Variants in EXOC6 observed in about 807,000 individuals in gnomAD.
EXOC6 encodes exocyst complex component 6, also known as SEC15-like 1.
Under a neutral mutation model 112.5 loss-of-function variants are expected in EXOC6, and 60 were observed. The ratio of observed to expected loss-of-function variants is 0.53; its 90% CI spans 0.43 to 0.66. The LOEUF is 0.66. EXOC6 is among the 30% of genes least tolerant of loss of function. EXOC6 has a pLI of 0.00. For missense variants in EXOC6, 855 were observed against 957.1 expected, an observed-to-expected ratio of 0.89 and a Z score of 1.41; for synonymous variants, 295 against 308.0, an observed-to-expected ratio of 0.96 and a Z score of 0.44.
At chr10:92,914,154 G>C (rs1373875164) in intron 6 of EXOC6, among the ~76,000 whole-genome samples, 1 of 152,202 alleles carries the variant, frequency 6.6e-6, no homozygotes, top group Admixed American at 6.5e-5. Flanking sequence ...CCTCCTGTCA[G>C]ATCAGCGGCA....
chr10:92,917,880 C>A lies in EXOC6; in HGVS notation c.819+1967C>A, dbSNP rs545519698. ...AAGTTTTTTCTACAGGGCTTGATGC[C>A]GTGGCTCATGCCTGTGATGCTAGCA... On this transcript the variant is annotated intron_variant, in intron 7 of 21. Transcript: ENST00000260762. 4.6e-5 allele frequency among the ~76,000 whole-genome samples: 7 copies of A among 152,220 alleles called. No individual in the cohort carries two copies. In the South Asian group the frequency reaches 1.0e-3, roughly 23 times the overall value.
chr10:92,958,897 C>T (rs1853834595), intron 17 of EXOC6, among the ~76,000 whole-genome samples: 1 of 152,046 alleles, frequency 6.6e-6, no homozygotes, highest in Admixed American at 6.6e-5. Flanking sequence ...AGATCAAGAC[C>T]ATCCTGGCCA....
At chr10:92,952,431 A>G (rs1478838019) in intron 15 of EXOC6, 49 bp downstream of exon 15, 2 of 1,120,294 alleles carry the variant, frequency 1.8e-6, no homozygotes, top group Non-Finnish European at 2.7e-6. Flanking sequence ...TTTATGAAAC[A>G]TTAATACTTT....
chr10:92,854,470 G>A (rs1004146825), intron 1 of EXOC6, among the ~76,000 whole-genome samples: 8 of 151,964 alleles, frequency 5.3e-5, no homozygotes, highest in African/African-American at 9.7e-5. Flanking sequence ...ACCATGTATT[G>A]GTAAGGATGT....
chr10:93,044,255 C>T (rs1423400351), intron 20 of EXOC6, among the ~76,000 whole-genome samples: 8 of 152,106 alleles, frequency 5.3e-5, no homozygotes, highest in Admixed American at 4.6e-4. Flanking sequence ...ATTACATATA[C>T]AATCAGGTCT....
At chr10:93,038,066 A>AT (rs1325322703) in intron 20 of EXOC6, among the ~76,000 whole-genome samples, 3 of 102,704 alleles carry the variant, frequency 2.9e-5, no homozygotes, top group South Asian at 2.7e-4. Flanking sequence ...AAAAAAAAAA[A>AT]TTTTTCTCTA....
chr10:93,036,814 TATG>T (rs1845536635), intron 20 of EXOC6, among the ~76,000 whole-genome samples: 1 of 152,204 alleles, frequency 6.6e-6, no homozygotes, highest in Admixed American at 6.5e-5. Flanking sequence ...ATTATTGTAA[TATG>T]ATACATTTTA....
intron 20 of EXOC6, among the ~76,000 whole-genome samples, chr10:93,046,350 A>G (rs1481094137): frequency 6.6e-6 from 1 of 152,216 alleles, no homozygotes; most frequent in Non-Finnish European, 1.5e-5. Flanking sequence ...TGGTGGATAC[A>G]CAAACTAACC....
intron 1 of EXOC6, among the ~76,000 whole-genome samples, chr10:92,885,480 A>G (rs1159105283): frequency 2.6e-5 from 4 of 151,876 alleles, no homozygotes; most frequent in African/African-American, 7.3e-5. Flanking sequence ...TCCGGGTTCA[A>G]GTGATTCTCC....
intron 1 of EXOC6, among the ~76,000 whole-genome samples, chr10:92,835,190 G>C (rs1348585840): frequency 6.6e-6 from 1 of 152,140 alleles, no homozygotes; most frequent in Non-Finnish European, 1.5e-5. Flanking sequence ...TTACATTTGG[G>C]TGGATATGAG....
chr10:93,040,959 C>T (rs768934866), intron 20 of EXOC6, among the ~76,000 whole-genome samples: 15 of 152,208 alleles, frequency 9.9e-5, no homozygotes, highest in African/African-American at 1.7e-4. Context: ...TGAGCTGACC[C>T]GCTTTCATCA....
intron 7 of EXOC6, among the ~76,000 whole-genome samples, chr10:92,919,175 G>A (rs894302616): frequency 6.6e-6 from 1 of 152,136 alleles, no homozygotes; most frequent in African/African-American, 2.4e-5. Flanking sequence ...CCTGCTGGGA[G>A]CATCACCATC....
intron 5 of EXOC6, among the ~76,000 whole-genome samples, chr10:92,903,190 A>G (rs1850266084): frequency 6.6e-6 from 1 of 152,096 alleles, no homozygotes; most frequent in Non-Finnish European, 1.5e-5. Context: ...TTTTAGTAGT[A>G]CCATTTACGC....
chr10:92,912,212 C>A (rs1208956356), intron 6 of EXOC6, among the ~76,000 whole-genome samples: 6 of 151,758 alleles, frequency 4.0e-5, no homozygotes, highest in African/African-American at 1.5e-4. Flanking sequence ...TACCCCAAAC[C>A]CAGCATTTCT....
intron 20 of EXOC6, among the ~76,000 whole-genome samples, chr10:93,032,932 T>C (rs1845335829): frequency 6.6e-6 from 1 of 152,140 alleles, no homozygotes. Context: ...GGAAATAGCA[T>C]TCCTGGCAGA....
intron 18 of EXOC6, among the ~76,000 whole-genome samples, chr10:92,977,235 C>G (rs1220060636): frequency 6.6e-6 from 1 of 151,702 alleles, no homozygotes; most frequent in Non-Finnish European, 1.5e-5. Flanking sequence ...ACCTACACAG[C>G]TGCGCCCAAC....
At chr10:92,902,788 T>C (rs866328754) in intron 5 of EXOC6, among the ~76,000 whole-genome samples, 1 of 152,174 alleles carries the variant, frequency 6.6e-6, no homozygotes. Flanking sequence ...TCTCTAGAAA[T>C]AACCACTTTC....
At position 92,948,163 on chromosome 10, in the gene EXOC6, A is replaced by T. The variant is rs80191581; in HGVS notation, c.1311-111A>T. 2,103 of 609,966 alleles carry T rather than the reference A, an allele frequency of 3.4e-3. 41 individuals are homozygous for T. In the African/African-American group the frequency reaches 0.037, roughly 11 times the overall value. 37.8% of individuals were successfully genotyped at this position (609,966 alleles called of 1,614,324 possible). ...GTATCTTCCTGTTTGGACCTTTAATAGACAAGTAAAAACTGCTTTTGTAAT... is the reference window on the plus strand; with the variant it reads ...GTATCTTCCTGTTTGGACCTTTAATTGACAAGTAAAAACTGCTTTTGTAAT... On this transcript the variant is annotated intron_variant, in intron 13 of 21. Coordinates refer to ENST00000260762, the MANE Select transcript of EXOC6 (RefSeq NM_019053.6).
At chr10:92,868,835 G>C (rs566847205) in intron 1 of EXOC6, among the ~76,000 whole-genome samples, 108 of 111,722 alleles carry the variant, frequency 9.7e-4, no homozygotes, top group African/African-American at 3.5e-3. Context: ...TTTTTTTTGA[G>C]ACAGGTTCTT....
Sources: allele counts gnomAD v4.1 joint callset (sites outside exome capture counted in the v4.1 genomes callset), GRCh38; gene constraint gnomAD v4.1.1; transcripts MANE v1.5; gene names NCBI Gene and HGNC (gene_info 2026-07-23, HGNC 2026-07-21).